PRSS12: variants seen among roughly 807,000 people sequenced by gnomAD.
PRSS12 encodes the protein neurotrypsin.
A neutral mutation model predicts 104.4 loss-of-function variants in PRSS12; 85 were observed. The ratio of observed to expected loss-of-function variants is 0.81; its 90% CI spans 0.68 to 0.98. PRSS12 has a LOEUF of 0.98. PRSS12 is among the 50% of genes least tolerant of loss of function. PRSS12 has a pLI of 0.00. For missense variants in PRSS12, 1,141 were observed against 1,139.2 expected (o/e 1.00, Z -0.02); for synonymous variants, 454 against 425.2 (o/e 1.07, Z -0.83).
chr4:118,300,096 G>C (rs1028968854), intron 8 of PRSS12, among the ~76,000 whole-genome samples: 4 of 151,574 alleles, frequency 2.6e-5, no homozygotes, highest in Non-Finnish European at 5.9e-5. Context: ...CTGCAGCCTT[G>C]AACTCTTGGG....
chr4:118,352,439 G>T lies in PRSS12; in HGVS notation c.282C>A (p.Pro94=). 1 of 1,493,000 alleles carries T rather than the reference G, an allele frequency of 6.7e-7. No individual in the cohort carries two copies. Among genetic ancestry groups the T allele is most frequent in the African/African-American group, 1.4e-5 (1 of 69,930 alleles). 92.5% of individuals were successfully genotyped at this position (1,493,000 alleles called of 1,614,324 possible). A position where few individuals can be genotyped will look rare whatever the true frequency, so the allele number is the denominator to read the frequency against. Residue 94 remains proline, a synonymous_variant, in exon 1 of 13, where the codon CCC becomes CCA. Transcript: ENST00000296498. The stretch of plus-strand genomic sequence containing the variant: ...TCACGCTGACCCATGGCTCGCCGGC[G>T]GGGCAGCCCCAGGGGTGCGGCCGGG... The part of the protein sequence containing the change: ...HTPRPHPWGC[P]AGEPWVSVTD...
At chr4:118,314,564 T>C (rs1743852695) in intron 6 of PRSS12, among the ~76,000 whole-genome samples, 1 of 152,104 alleles carries the variant, frequency 6.6e-6, no homozygotes, top group Non-Finnish European at 1.5e-5. Context: ...TCATTTTACT[T>C]TGGAATTGCA....
chr4:118,316,021 T>A (rs1390016928), intron 6 of PRSS12, among the ~76,000 whole-genome samples, 161 bp downstream of exon 6: 1 of 152,180 alleles, frequency 6.6e-6, no homozygotes, highest in Non-Finnish European at 1.5e-5. Flanking sequence ...TTATTCATCA[T>A]CTTAGAAAAT....
intron 3 of PRSS12, among the ~76,000 whole-genome samples, chr4:118,335,144 C>T (rs1724027419): frequency 6.6e-6 from 1 of 151,936 alleles, no homozygotes; most frequent in African/African-American, 2.4e-5. Context: ...AGCTTGATTC[C>T]ATCATAATTT....
At chr4:118,344,801 AC>A (rs1415688162) in intron 1 of PRSS12, among the ~76,000 whole-genome samples, 2 of 152,224 alleles carry the variant, frequency 1.3e-5, no homozygotes, top group Non-Finnish European at 2.9e-5. Context: ...ATGATATCAA[AC>A]AAAAAAAGAT....
At chr4:118,302,315 T>G (rs970756588) in intron 8 of PRSS12, among the ~76,000 whole-genome samples, 3 of 152,196 alleles carry the variant, frequency 2.0e-5, no homozygotes, top group Admixed American at 6.5e-5. Flanking sequence ...TAGATTGAGG[T>G]ATAGTTTTCT....
At chr4:118,292,755 A>G (rs1450959320) in intron 11 of PRSS12, among the ~76,000 whole-genome samples, 2 of 152,144 alleles carry the variant, frequency 1.3e-5, no homozygotes, top group African/African-American at 4.8e-5. Flanking sequence ...GTTATGTAAA[A>G]TACAGGTTTG....
intron 11 of PRSS12, among the ~76,000 whole-genome samples, chr4:118,284,048 C>T (rs28489134): frequency 3.0e-3 from 453 of 152,208 alleles, no homozygotes; most frequent in African/African-American, 0.01. Flanking sequence ...ATTTTTCAGC[C>T]ATCATACTAA....
chr4:118,333,961 C>G (rs1465555079), intron 3 of PRSS12, among the ~76,000 whole-genome samples: 1 of 152,086 alleles, frequency 6.6e-6, no homozygotes, highest in Non-Finnish European at 1.5e-5. Flanking sequence ...TAGATTGCTG[C>G]TATTTTTTGT....
chr4:118,300,322 A>G (rs1415523852), intron 8 of PRSS12, among the ~76,000 whole-genome samples: 1 of 151,962 alleles, frequency 6.6e-6, no homozygotes, highest in African/African-American at 2.4e-5. Context: ...CTAAAAGTAC[A>G]ATTTTTAACG....
intron 6 of PRSS12, among the ~76,000 whole-genome samples, 198 bp from the exon 7 acceptor site, chr4:118,313,595 C>T (rs1005365713): frequency 4.6e-5 from 7 of 152,116 alleles, no homozygotes; most frequent in African/African-American, 1.4e-4. Context: ...TAAAAATGTT[C>T]GATTATTTCA....
At chr4:118,334,326 A>C (rs1313254950) in intron 3 of PRSS12, among the ~76,000 whole-genome samples, 2 of 152,122 alleles carry the variant, frequency 1.3e-5, no homozygotes, top group African/African-American at 4.8e-5. Flanking sequence ...AAAAAAAATT[A>C]TAATTATTTT....
chr4:118,282,977 T>C lies in PRSS12; in HGVS notation c.2174A>G (p.Tyr725Cys). Residue 725 changes from tyrosine to cysteine, a missense_variant, in exon 12 of 13, where the codon TAT becomes TGT. Transcript: ENST00000296498. ...HREYRPDRSD[Y>C]DIALVRLQGP... The stretch of plus-strand genomic sequence containing the variant: ...TTGTAATCTAACCAGGGCTATGTCA[T>C]AATCACTGCGGTCGGGTCGATACTC... The C allele has an allele frequency of 6.2e-7, 1 of 1,614,194 alleles. No homozygotes were observed. Among genetic ancestry groups the C allele is most frequent in the Non-Finnish European group, 8.5e-7 (1 of 1,180,038 alleles).
At chr4:118,351,691 G>T (rs937215719) in intron 1 of PRSS12, among the ~76,000 whole-genome samples, 1 of 151,976 alleles carries the variant, frequency 6.6e-6, no homozygotes, top group African/African-American at 2.4e-5. Flanking sequence ...ACATAATTTT[G>T]CCATACTTTT....
intron 11 of PRSS12, among the ~76,000 whole-genome samples, chr4:118,288,202 T>C (rs1013199267): frequency 7.9e-5 from 12 of 152,232 alleles, no homozygotes; most frequent in Non-Finnish European, 1.8e-4. Flanking sequence ...CAAAAAGTAG[T>C]TGACTGAAGT....
At chr4:118,350,513 G>A (rs1045787703) in intron 1 of PRSS12, among the ~76,000 whole-genome samples, 2 of 152,138 alleles carry the variant, frequency 1.3e-5, no homozygotes, top group Non-Finnish European at 2.9e-5. Flanking sequence ...GGTGGGAAGG[G>A]CATTTATCTC....
chr4:118,282,531 C>T (rs537677647), intron 12 of PRSS12, among the ~76,000 whole-genome samples: 18 of 152,254 alleles, frequency 1.2e-4, no homozygotes, highest in African/African-American at 4.1e-4. Flanking sequence ...TGCAGGCTTT[C>T]GTATTTGAAT....
intron 8 of PRSS12, 38 bp downstream of exon 8, chr4:118,308,398 T>C (rs1316308338): frequency 1.2e-6 from 2 of 1,612,978 alleles, no homozygotes; most frequent in African/African-American, 2.7e-5. Flanking sequence ...TCAGATATGC[T>C]CATCAGTAAC....
chr4:118,299,297 T>C (rs1189433206), intron 8 of PRSS12, among the ~76,000 whole-genome samples: 4 of 152,204 alleles, frequency 2.6e-5, no homozygotes, highest in South Asian at 2.1e-4. Flanking sequence ...CTCTTAATAT[T>C]GGTATAATAT....
Sources: allele counts gnomAD v4.1 joint callset (sites outside exome capture counted in the v4.1 genomes callset), GRCh38; gene constraint gnomAD v4.1.1; transcripts MANE v1.5; gene names NCBI Gene and HGNC (gene_info 2026-07-23, HGNC 2026-07-21).